The following WDR49 variants were observed in gnomAD, a reference collection of about 807,000 sequenced individuals.
WDR49 encodes the protein WD repeat domain 49, also known as cilia- and flagella-associated protein 337.
Under a neutral mutation model 119.5 loss-of-function variants are expected in WDR49, and 107 were observed. The observed-to-expected ratio is 0.90, with a 90% CI of 0.77 to 1.05. WDR49 has a LOEUF of 1.05. Among genes scored for constraint, WDR49 ranks in the 50% least tolerant of loss-of-function variants. The probability of loss-of-function intolerance (pLI) is 0.00; values close to 1 mark genes in which losing one functional copy is unlikely to be tolerated. For synonymous variants in WDR49, 425 were observed against 418.8 expected (o/e 1.01, Z -0.18); for missense variants, 1,240 against 1,220.5 (o/e 1.02, Z -0.24).
chr3:167,534,586 A>G lies in WDR49; in HGVS notation c.1955-1609T>C, dbSNP rs117204778. ...AAATATAGATAGATCAGTAAACCTC[A>G]TATTGTAACACTTCATAGATACCCT... On this transcript the variant is annotated intron_variant, in intron 11 of 18. Transcript: ENST00000682715. Among the ~76,000 whole-genome samples, 42 of 152,254 alleles carry G rather than the reference A, an allele frequency of 2.8e-4. No individual in the cohort carries two copies. In the East Asian group the frequency reaches 7.2e-3, roughly 26 times the overall value.
chr3:167,598,514 C>A (rs1047297521), intron 7 of WDR49, among the ~76,000 whole-genome samples: 1 of 151,996 alleles, frequency 6.6e-6, no homozygotes, highest in Non-Finnish European at 1.5e-5. Flanking sequence ...CTCATGAGAT[C>A]TTATTGTTTA....
At chr3:167,609,600 G>A (rs114831876) in intron 5 of WDR49, among the ~76,000 whole-genome samples, 3 of 152,188 alleles carry the variant, frequency 2.0e-5, no homozygotes, top group Non-Finnish European at 2.9e-5. Context: ...AACTTGAAAT[G>A]CCATAAAGCT....
rs372445547 is a variant in WDR49 at position 167,536,836 on chromosome 3, T to G, written c.1954+34A>C. On this transcript the variant is annotated intron_variant, in intron 11 of 18. Transcript: ENST00000682715. ...AAAACAAACCAAAACAAATCAAACT[T>G]CACCAATGATTGTCAAGTGAAAGTT... is the stretch of plus-strand genomic sequence containing the variant. The G allele has an allele frequency of 5.6e-6, 8 of 1,441,276 alleles. No individual in the cohort carries two copies. The African/African-American group carries it at 1.2e-4, about 21-fold the overall frequency. 89.3% of individuals were successfully genotyped at this position (1,441,276 alleles called of 1,614,324 possible).
intron 16 of WDR49, among the ~76,000 whole-genome samples, chr3:167,508,399 C>T (rs988484096): frequency 1.3e-5 from 2 of 152,138 alleles, no homozygotes; most frequent in African/African-American, 2.4e-5. Context: ...ACTTCTCCGC[C>T]TCTGTTTTTC....
chr3:167,563,371 AAAAAAAG>A (rs1560287615), intron 8 of WDR49, among the ~76,000 whole-genome samples: 6 of 137,260 alleles, frequency 4.4e-5, no homozygotes, highest in African/African-American at 2.1e-4. Context: ...AAAAAAAAAA[AAAAAAAG>A]AAAGAAACCT....
chr3:167,533,980 G>C (rs1392535283), intron 11 of WDR49, among the ~76,000 whole-genome samples: 1 of 151,920 alleles, frequency 6.6e-6, no homozygotes, highest in Non-Finnish European at 1.5e-5. Flanking sequence ...AGGAGGTCAG[G>C]AGTTCGAGAC....
At chr3:167,553,560 T>C (rs1696001443) in intron 10 of WDR49, among the ~76,000 whole-genome samples, 1 of 152,108 alleles carries the variant, frequency 6.6e-6, no homozygotes, top group Non-Finnish European at 1.5e-5. Flanking sequence ...TTCCTTTTTG[T>C]TATGTTTAAA....
intron 16 of WDR49, among the ~76,000 whole-genome samples, chr3:167,512,070 C>T (rs1315049805): frequency 6.6e-6 from 1 of 152,150 alleles, no homozygotes; most frequent in Non-Finnish European, 1.5e-5. Flanking sequence ...AGTGGAATTC[C>T]CGCCAGGGCA....
At chr3:167,627,572 T>A (rs938741835) in intron 2 of WDR49, among the ~76,000 whole-genome samples, 1 of 151,994 alleles carries the variant, frequency 6.6e-6, no homozygotes, top group Non-Finnish European at 1.5e-5. Context: ...GATAGAAGCA[T>A]GGAATGATGT....
rs972857172 is a variant in WDR49, at chr3:167,627,105, T to A, written c.353A>T (p.Asp118Val). The change falls in exon 3 of 19, where the codon GAT becomes GTT. Residue 118 changes from aspartate (D) to valine (V), a missense_variant. Physicochemically the swap from Asp to Val is radical, Grantham distance 152. Transcript: ENST00000682715. ...CACCACAGTTGCCTTTGCTCGTTCA[T>A]CTTGCTCATAAAGCTCTAGCAGTAT... ...SFILLELYEQ[D>V]ERAKATVVPQ... is the part of the protein sequence containing the mutation. 1.6e-6 allele frequency: 2 copies of A among 1,275,074 alleles called. No individual in the cohort carries two copies. The highest frequency in any genetic ancestry group is 3.0e-5 in the East Asian group (1 of 33,416). The allele number at this position is 1,275,074 out of a possible 1,614,324, so 79.0% of individuals were successfully genotyped here. A position where few individuals can be genotyped will look rare whatever the true frequency, so the allele number is the denominator to read the frequency against.
intron 2 of WDR49, among the ~76,000 whole-genome samples, chr3:167,637,689 C>T (rs78974201): frequency 6.6e-5 from 10 of 151,658 alleles, no homozygotes; most frequent in African/African-American, 9.7e-5. Flanking sequence ...TGTAGTTTTC[C>T]CTGTAGAAGT....
At chr3:167,493,179 T>C (rs1751219497) in intron 18 of WDR49, among the ~76,000 whole-genome samples, 1 of 152,172 alleles carries the variant, frequency 6.6e-6, no homozygotes, top group Non-Finnish European at 1.5e-5. Flanking sequence ...TAGGCTCTTA[T>C]AGCATGACTT....
In WDR49 at chr3:167,495,339, ACTGAAAG is replaced by A. The variant is rs1468579576; in HGVS notation, c.3031+4807_3031+4813del. Among the ~76,000 whole-genome samples the A allele has an allele frequency of 4.8e-4, 51 of 105,328 alleles. 1 individual carries two copies. The highest frequency in any genetic ancestry group is 4.0e-3 in the Middle Eastern group (1 of 248). 69.1% of individuals were successfully genotyped at this position (105,328 alleles called of 152,430 possible). A position where few individuals can be genotyped will look rare whatever the true frequency, so the allele number is the denominator to read the frequency against. On this transcript the variant is annotated intron_variant, in intron 18 of 18. Transcript: ENST00000682715. ...AAAGAGATTCAAGTGGCATTCTAAA[ACTGAAAG>A]TATATAAATATGTGTGTATATATAT...
intron 5 of WDR49, among the ~76,000 whole-genome samples, chr3:167,615,346 G>A (rs1039017757): frequency 6.6e-6 from 1 of 151,368 alleles, no homozygotes; most frequent in East Asian, 1.9e-4. Flanking sequence ...ATGTTGCTCA[G>A]GCTGGTCTCA....
chr3:167,500,793 T>C (rs1162710746), intron 17 of WDR49, among the ~76,000 whole-genome samples: 1 of 152,238 alleles, frequency 6.6e-6, no homozygotes, highest in Non-Finnish European at 1.5e-5. Flanking sequence ...ATTTTAATCA[T>C]GCTCTTAAAG....
At chr3:167,581,482 A>G (rs1473237400) in intron 7 of WDR49, among the ~76,000 whole-genome samples, 1 of 152,172 alleles carries the variant, frequency 6.6e-6, no homozygotes, top group Non-Finnish European at 1.5e-5. Context: ...TAAATATTCT[A>G]AAATAACAAT....
At position 167,604,459 on chromosome 3, in the gene WDR49, T is replaced by C. The variant is rs1288964004; in HGVS notation, c.968A>G (p.Asn323Ser). Reference protein sequence around the residue: ...QGDWVRQVTYNASLDAIISST... With the variant: ...QGDWVRQVTYSASLDAIISST... Reference sequence around the variant, plus strand: ...GGAAATGATAGCGTCTAAAGATGCATTGTAAGTAACTGATAAAAAATTAAA... The same window carrying C: ...GGAAATGATAGCGTCTAAAGATGCACTGTAAGTAACTGATAAAAAATTAAA... The change falls in exon 6 of 19, where the codon AAT becomes AGT. Residue 323 changes from asparagine to serine, a missense_variant. Transcript: ENST00000682715. 1 of 1,608,240 alleles carries C rather than the reference T, an allele frequency of 6.2e-7. No individual in the cohort carries two copies. The highest frequency in any genetic ancestry group is 1.7e-5 in the Admixed American group (1 of 59,262).
chr3:167,614,151 A>G (rs1716486406), intron 5 of WDR49, among the ~76,000 whole-genome samples: 1 of 151,474 alleles, frequency 6.6e-6, no homozygotes, highest in African/African-American at 2.4e-5. Flanking sequence ...TTGGAGTGCT[A>G]TGGGCAATGG....
At chr3:167,545,497 ATATAT>A (rs1560278812) in intron 10 of WDR49, among the ~76,000 whole-genome samples, 1 of 130,700 alleles carries the variant, frequency 7.7e-6, no homozygotes, top group African/African-American at 2.8e-5. Context: ...TATATATATT[ATATAT>A]TATATATTAT....
Sources: gnomAD v4.1 joint callset for allele counts (sites outside exome capture counted in the v4.1 genomes callset) on GRCh38, gnomAD v4.1.1 for gene constraint, MANE v1.5 for transcripts, NCBI Gene and HGNC (gene_info 2026-07-23, HGNC 2026-07-21) for gene names.